Variants in NUMB observed in about 807,000 individuals in gnomAD.
NUMB encodes the protein NUMB endocytic adaptor protein.
NUMB carries 29 observed loss-of-function variants against 59.7 expected under a neutral mutation model. That is an observed-to-expected ratio of 0.49 (90% CI 0.36 to 0.66). The LOEUF (loss-of-function observed/expected upper bound fraction) is 0.66. Ranked by LOEUF, NUMB falls within the 30% of genes least tolerant of loss-of-function variation. NUMB has a pLI of 0.00. For missense variants in NUMB, 723 were observed against 822.0 expected (o/e 0.88, Z 1.47); for synonymous variants, 288 against 288.2 (o/e 1.00, Z 0.01).
At chr14:73,295,534 C>T (rs1183690416) in intron 7 of NUMB, among the ~76,000 whole-genome samples, 1 of 152,020 alleles carries the variant, frequency 6.6e-6, no homozygotes, top group Non-Finnish European at 1.5e-5. Context: ...CAGTAATGTA[C>T]TAAAAGTGAA....
At chr14:73,392,658 T>G (rs1323723103) in intron 2 of NUMB, among the ~76,000 whole-genome samples, 1 of 152,240 alleles carries the variant, frequency 6.6e-6, no homozygotes, top group Non-Finnish European at 1.5e-5. Flanking sequence ...CCACACAGTG[T>G]CATATATTTA....
chr14:73,305,138 T>G (rs965969694), intron 6 of NUMB, among the ~76,000 whole-genome samples: 1 of 152,158 alleles, frequency 6.6e-6, no homozygotes, highest in African/African-American at 2.4e-5. Context: ...CAACAAAATA[T>G]TTTAGGCTTT....
intron 1 of NUMB, among the ~76,000 whole-genome samples, chr14:73,411,472 CA>C (rs1261938015): frequency 1.3e-5 from 2 of 151,522 alleles, no homozygotes; most frequent in African/African-American, 4.8e-5. Context: ...TTCCAGGAGA[CA>C]AAAAAAGAAA....
intron 4 of NUMB, among the ~76,000 whole-genome samples, chr14:73,339,137 A>T (rs1566749649): frequency 6.6e-6 from 1 of 152,186 alleles, no homozygotes; most frequent in Non-Finnish European, 1.5e-5. Context: ...ATATAATTTC[A>T]TCTAAAATTT....
At position 73,284,346 on chromosome 14, in the gene NUMB, T is replaced by C. The variant is rs778751412; in HGVS notation, c.684A>G (p.Ser228=). ...GGGCAGTGTTGCCAGGGGCAACTGATGAACCAACGACTATCTTATCTGTTT... is the reference window on the plus strand; with the variant it reads ...GGGCAGTGTTGCCAGGGGCAACTGACGAACCAACGACTATCTTATCTGTTT... ...KAETDKIVVG[S]SVAPGNTAPS... Residue 228 remains serine, a synonymous_variant, in exon 10 of 13, where the codon TCA becomes TCG. Coordinates refer to ENST00000555238, the MANE Select transcript of NUMB (RefSeq NM_001005743.2). 1 of 1,614,024 alleles carries C rather than the reference T, an allele frequency of 6.2e-7. No individual in the cohort carries two copies. The highest frequency in any genetic ancestry group is 1.1e-5 in the South Asian group (1 of 91,072).
At chr14:73,289,648 G>T (rs1157740230) in intron 8 of NUMB, among the ~76,000 whole-genome samples, 3 of 152,142 alleles carry the variant, frequency 2.0e-5, no homozygotes, top group Non-Finnish European at 4.4e-5. Flanking sequence ...TACTACCTTT[G>T]ACTACTTTTT....
At position 73,314,513 on chromosome 14, in the gene NUMB, AT is replaced by A. The variant is rs879845162; in HGVS notation, c.234+1876del. Among the ~76,000 whole-genome samples the A allele has an allele frequency of 1.8e-4, 27 of 152,300 alleles. No homozygotes were observed. The East Asian group carries it at 5.2e-3, about 29-fold the overall frequency. On this transcript the variant is annotated intron_variant, in intron 6 of 12. Transcript: ENST00000555238. ...AGCTCAGCTACAGTGTAGGTGCATC[AT>A]GGCCCCATTATACGTAGCAATAAAT...
At chr14:73,433,449 GCTATAGTAGGCCCAATTATTAGGTCCAA>G (rs1335945290) in intron 1 of NUMB, among the ~76,000 whole-genome samples, 1 of 151,996 alleles carries the variant, frequency 6.6e-6, no homozygotes, top group Non-Finnish European at 1.5e-5. Flanking sequence ...AAGTAGTAGT[GCTATAGTAGGCCCAATTATTAGGTCCAA>G]CAATTTTCAT....
chr14:73,373,701 C>T (rs1316068997), intron 2 of NUMB, among the ~76,000 whole-genome samples: 1 of 142,514 alleles, frequency 7.0e-6, no homozygotes, highest in Non-Finnish European at 1.5e-5. Context: ...GAAAGGAAAG[C>T]TTCCTTTTTT....
At chr14:73,396,957 T>C (rs548809455) in intron 2 of NUMB, among the ~76,000 whole-genome samples, 6 of 152,140 alleles carry the variant, frequency 3.9e-5, no homozygotes, top group African/African-American at 1.4e-4. Context: ...ACCCTGTCTC[T>C]ACTAAAAATA....
chr14:73,406,280 T>C (rs1395292564), intron 2 of NUMB, among the ~76,000 whole-genome samples: 2 of 129,312 alleles, frequency 1.5e-5, no homozygotes, highest in Non-Finnish European at 3.2e-5. Flanking sequence ...GTGTGTGATG[T>C]TCCCCTTCCT....
At position 73,369,763 on chromosome 14, in the gene NUMB, A is replaced by G. The variant is rs1566765179; in HGVS notation, c.-100-2782T>C. Among the ~76,000 whole-genome samples, 10 of 152,362 alleles carry G rather than the reference A, an allele frequency of 6.6e-5. No homozygotes were observed. The South Asian group carries it at 1.2e-3, about 19-fold the overall frequency. On this transcript the variant is annotated intron_variant, in intron 2 of 12. Transcript: ENST00000555238. Reference sequence around the variant, plus strand: ...TTAAGGTATGACATATGTAGAAAGAAGCATACAAAGTGTAGAGCTCAATTA... The same window carrying G: ...TTAAGGTATGACATATGTAGAAAGAGGCATACAAAGTGTAGAGCTCAATTA...
At chr14:73,377,885 T>G (rs1057083243) in intron 2 of NUMB, among the ~76,000 whole-genome samples, 9 of 152,082 alleles carry the variant, frequency 5.9e-5, no homozygotes, top group African/African-American at 1.9e-4. Flanking sequence ...GAGATTTGCT[T>G]GAACTCAGGA....
chr14:73,329,659 T>C (rs1392494280), intron 4 of NUMB, among the ~76,000 whole-genome samples: 1 of 152,216 alleles, frequency 6.6e-6, no homozygotes, highest in Non-Finnish European at 1.5e-5. Context: ...AGTTTCTGAC[T>C]ACTCTCTTTG....
At chr14:73,325,299 C>T (rs1012862020) in intron 4 of NUMB, among the ~76,000 whole-genome samples, 1 of 152,004 alleles carries the variant, frequency 6.6e-6, no homozygotes, top group Admixed American at 6.6e-5. Flanking sequence ...GAGACCCTGT[C>T]TCTACAAAAA....
At chr14:73,427,207 G>A (rs1040774268) in intron 1 of NUMB, among the ~76,000 whole-genome samples, 2 of 151,890 alleles carry the variant, frequency 1.3e-5, no homozygotes, top group South Asian at 2.1e-4. Flanking sequence ...GGCCTGGTGC[G>A]GTGGCTCACG....
chr14:73,373,705 CT>C (rs558452695), intron 2 of NUMB, among the ~76,000 whole-genome samples: 7,342 of 127,692 alleles, frequency 0.057, 507 homozygotes, highest in African/African-American at 0.17. Context: ...GGAAAGCTTC[CT>C]TTTTTTTTTT....
At chr14:73,282,220 A>T (rs1888677793) in intron 11 of NUMB, 139 bp downstream of exon 11, 1 of 673,780 alleles carries the variant, frequency 1.5e-6, no homozygotes, top group Non-Finnish European at 2.3e-6. Flanking sequence ...GAAATCAATG[A>T]ATCTAAGACA....
chr14:73,384,892 T>A (rs1400008700), intron 2 of NUMB, among the ~76,000 whole-genome samples: 2 of 147,114 alleles, frequency 1.4e-5, no homozygotes, highest in East Asian at 4.0e-4. Flanking sequence ...AACTGTAATT[T>A]TTTTTTTTTT....
Sources: allele counts gnomAD v4.1 joint callset (sites outside exome capture counted in the v4.1 genomes callset), GRCh38; gene constraint gnomAD v4.1.1; transcripts MANE v1.5; gene names NCBI Gene and HGNC (gene_info 2026-07-23, HGNC 2026-07-21).